The following LARGE1 variants were observed in gnomAD, a reference collection of about 807,000 sequenced individuals.
The protein encoded by LARGE1 is xylosyl- and glucuronyltransferase LARGE1.
In LARGE1, 43 loss-of-function variants were observed where a neutral mutation model predicts 87.6. That is an observed-to-expected ratio of 0.49 (90% confidence interval 0.38 to 0.63). LARGE1 has a LOEUF of 0.63. Among genes scored for constraint, LARGE1 ranks in the 30% least tolerant of loss-of-function variants. LARGE1 has a pLI of 0.00. For synonymous variants in LARGE1, 434 were observed against 394.6 expected, an observed-to-expected ratio of 1.10 and a Z score of -1.18; for missense variants, 802 against 1,000.2, an observed-to-expected ratio of 0.80 and a Z score of 2.67.
At chr22:33,306,044 C>A (rs1027650046) in intron 11 of LARGE1, among the ~76,000 whole-genome samples, 2 of 152,090 alleles carry the variant, frequency 1.3e-5, no homozygotes, top group African/African-American at 4.8e-5. Flanking sequence ...CGGGGTTTCA[C>A]CATCTTAGCC....
chr22:33,632,630 C>G (rs569205772), intron 3 of LARGE1, among the ~76,000 whole-genome samples: 1 of 152,040 alleles, frequency 6.6e-6, no homozygotes, highest in East Asian at 1.9e-4. Flanking sequence ...CCTGCCCATA[C>G]CTCTTGGCCC....
At chr22:33,189,672 G>A (rs891883542) in intron 11 of LARGE1, among the ~76,000 whole-genome samples, 5 of 152,188 alleles carry the variant, frequency 3.3e-5, no homozygotes, top group African/African-American at 1.2e-4. Flanking sequence ...TGTAAGGATG[G>A]AGGACAAGCC....
At chr22:33,813,171 C>T (rs2086550506) in intron 1 of LARGE1, among the ~76,000 whole-genome samples, 2 of 150,944 alleles carry the variant, frequency 1.3e-5, no homozygotes, top group African/African-American at 4.9e-5. Flanking sequence ...GCCTGGCCAA[C>T]ATGGCAAAAT....
intron 2 of LARGE1, among the ~76,000 whole-genome samples, chr22:33,684,452 T>C (rs1194672781): frequency 6.6e-6 from 1 of 151,294 alleles, no homozygotes; most frequent in Admixed American, 6.6e-5. Context: ...GAAGAGAAAA[T>C]CCCATAGAAG....
intron 4 of LARGE1, among the ~76,000 whole-genome samples, chr22:33,610,584 T>C (rs888036984): frequency 1.3e-5 from 2 of 152,288 alleles, no homozygotes; most frequent in South Asian, 4.2e-4. Flanking sequence ...TGTAAAAATT[T>C]GGAAATTTCG....
intron 1 of LARGE1, among the ~76,000 whole-genome samples, chr22:33,836,004 T>C (rs967092314): frequency 2.6e-5 from 4 of 152,228 alleles, no homozygotes; most frequent in African/African-American, 9.6e-5. Flanking sequence ...GCTCCAGATT[T>C]TGCATTCAAA....
Position 33,866,643 on chromosome 22 carries a change from G to A in LARGE1, c.-83+53352C>T, listed in dbSNP as rs1009103593. On this transcript the variant is annotated intron_variant, in intron 1 of 14. Coordinates refer to ENST00000397394, the MANE Select transcript of LARGE1 (RefSeq NM_133642.5). The stretch of plus-strand genomic sequence containing the variant: ...AGTCATAATAAGGATTATCTGCTCT[G>A]GAAGCACTCACAATAATGCTTATGA... Among the ~76,000 whole-genome samples the A allele has an allele frequency of 2.6e-5, 4 of 152,236 alleles. 1 individual carries two copies. The highest frequency in any genetic ancestry group is 9.6e-5 in the African/African-American group (4 of 41,536).
chr22:33,896,806 G>A (rs2065157500), intron 1 of LARGE1, among the ~76,000 whole-genome samples: 1 of 152,144 alleles, frequency 6.6e-6, no homozygotes, highest in Non-Finnish European at 1.5e-5. Context: ...TCCGTAATTA[G>A]ATACTCACTC....
At chr22:33,603,025 C>A (rs1414209471) in intron 5 of LARGE1, among the ~76,000 whole-genome samples, 1 of 152,160 alleles carries the variant, frequency 6.6e-6, no homozygotes, top group Admixed American at 6.5e-5. Context: ...ATTAGCGCAG[C>A]AATTTGCTAA....
At chr22:33,196,201 TAAG>T (rs1354806248) in intron 11 of LARGE1, among the ~76,000 whole-genome samples, 3 of 147,382 alleles carry the variant, frequency 2.0e-5, no homozygotes, top group Admixed American at 6.7e-5. Context: ...CGGAGAAAGA[TAAG>T]AAAGCCAAAA....
chr22:33,312,481 A>T (rs1935713451), intron 11 of LARGE1, among the ~76,000 whole-genome samples: 1 of 152,110 alleles, frequency 6.6e-6, no homozygotes, highest in Non-Finnish European at 1.5e-5. Context: ...TTGTCCAAAA[A>T]CAAAGTGACA....
intron 2 of LARGE1, among the ~76,000 whole-genome samples, chr22:33,706,311 C>T (rs2149386837): frequency 6.6e-6 from 1 of 152,314 alleles, no homozygotes; most frequent in South Asian, 2.1e-4. Flanking sequence ...CAGGGTACCG[C>T]CTCCAATGGC....
At chr22:33,161,532 C>T (rs891539967), downstream of LARGE1, among the ~76,000 whole-genome samples, 2 of 152,124 alleles carry the variant, frequency 1.3e-5, no homozygotes, top group Non-Finnish European at 2.9e-5. Flanking sequence ...AATAGGGGTA[C>T]AAGAATTGGG....
At chr22:33,216,943 T>C (rs1344494131) in intron 11 of LARGE1, among the ~76,000 whole-genome samples, 3 of 152,168 alleles carry the variant, frequency 2.0e-5, no homozygotes, top group South Asian at 4.1e-4. Context: ...GTCTCATTAA[T>C]AGGAAAACGT....
At chr22:33,547,852 T>G (rs1373548196) in intron 6 of LARGE1, among the ~76,000 whole-genome samples, 1 of 144,334 alleles carries the variant, frequency 6.9e-6, no homozygotes, top group Non-Finnish European at 1.5e-5. Flanking sequence ...TGTACCATAT[T>G]AATAATAAGG....
At chr22:33,391,579 T>C (rs1179535227) in intron 7 of LARGE1, among the ~76,000 whole-genome samples, 1 of 152,088 alleles carries the variant, frequency 6.6e-6, no homozygotes, top group Non-Finnish European at 1.5e-5. Flanking sequence ...GGTTGCTGAA[T>C]ATCTAGCAGG....
At position 33,484,976 on chromosome 22, in the gene LARGE1, A is replaced by G. The variant is rs531105114; in HGVS notation, c.788-52711T>C. On this transcript the variant is annotated intron_variant, in intron 6 of 14. Transcript: ENST00000397394. The stretch of plus-strand genomic sequence containing the variant: ...GCCCAGGCTGGAATGCAGTGGCACG[A>G]TCTTGGCTCACTGCAACCTCCAACT... Among the ~76,000 whole-genome samples, 451 of 147,790 alleles carry G rather than the reference A, an allele frequency of 3.1e-3. 3 individuals are homozygous for G. Among genetic ancestry groups the G allele is most frequent in the South Asian group, 0.021 (98 of 4,650 alleles).
chr22:33,782,593 G>A (rs745790800), intron 1 of LARGE1, among the ~76,000 whole-genome samples: 4 of 152,256 alleles, frequency 2.6e-5, no homozygotes, highest in South Asian at 4.2e-4. Context: ...TGGGCTGGGC[G>A]CGGTGGCTCA....
chr22:33,558,524 T>C (rs1432857490), intron 6 of LARGE1, among the ~76,000 whole-genome samples: 1 of 152,134 alleles, frequency 6.6e-6, no homozygotes, highest in Non-Finnish European at 1.5e-5. Flanking sequence ...TTTCTACAGG[T>C]GCAGAAGCGA....
Sources: gnomAD v4.1 joint callset for allele counts (sites outside exome capture counted in the v4.1 genomes callset) on GRCh38, gnomAD v4.1.1 for gene constraint, MANE v1.5 for transcripts, NCBI Gene and HGNC (gene_info 2026-07-23, HGNC 2026-07-21) for gene names.